LRFN5: variants seen among roughly 807,000 people sequenced by gnomAD.
LRFN5 encodes leucine rich repeat and fibronectin type III domain containing 5, also known as leucine-rich repeat and fibronectin type-III domain-containing protein 5.
A neutral mutation model predicts 45.6 loss-of-function variants in LRFN5; 24 were observed. The ratio of observed to expected loss-of-function variants is 0.53; its 90% CI spans 0.38 to 0.74. The LOEUF (loss-of-function observed/expected upper bound fraction) is 0.74. LRFN5 is among the 30% of genes least tolerant of loss of function. The pLI is 0.00. For synonymous variants in LRFN5, 340 were observed against 313.8 expected, an observed-to-expected ratio of 1.08 and a Z score of -0.88; for missense variants, 776 against 861.5, an observed-to-expected ratio of 0.90 and a Z score of 1.24.
chr14:41,830,422 G>A (rs1888439161), intron 2 of LRFN5, among the ~76,000 whole-genome samples: 1 of 151,958 alleles, frequency 6.6e-6, no homozygotes, highest in African/African-American at 2.4e-5. Flanking sequence ...TTTTATTAAT[G>A]TTTCCCATCA....
intron 1 of LRFN5, among the ~76,000 whole-genome samples, chr14:41,696,725 A>G (rs1476792020): frequency 6.6e-6 from 1 of 151,856 alleles, no homozygotes; most frequent in Non-Finnish European, 1.5e-5. Context: ...CTCCTTGCCA[A>G]CACTTGTTAT....
At chr14:41,763,388 G>T (rs2144550) in intron 1 of LRFN5, among the ~76,000 whole-genome samples, 6,928 of 152,222 alleles carry the variant, frequency 0.046, 416 homozygotes, top group East Asian at 0.19. Context: ...ATCATTTGGT[G>T]CTGGAGGAGG....
At chr14:41,750,267 TTATATATATA>T (rs60275061) in intron 1 of LRFN5, among the ~76,000 whole-genome samples, 22 of 144,388 alleles carry the variant, frequency 1.5e-4, no homozygotes, top group African/African-American at 4.8e-4. Flanking sequence ...GTAACTTTTC[TTATATATATA>T]TATATATATA....
chr14:41,870,931 T>C (rs1889998334), intron 2 of LRFN5, among the ~76,000 whole-genome samples: 1 of 152,126 alleles, frequency 6.6e-6, no homozygotes, highest in South Asian at 2.1e-4. Context: ...ATGACTGTCT[T>C]ATATTACAAC....
chr14:41,712,636 T>A (rs758799133), intron 1 of LRFN5, among the ~76,000 whole-genome samples: 14 of 152,118 alleles, frequency 9.2e-5, no homozygotes, highest in African/African-American at 3.4e-4. Flanking sequence ...TTCTACCAAA[T>A]CACAACAATT....
intron 1 of LRFN5, among the ~76,000 whole-genome samples, chr14:41,728,675 A>T (rs1459775426): frequency 6.6e-6 from 1 of 152,260 alleles, no homozygotes; most frequent in African/African-American, 2.4e-5. Context: ...CATCAAGGCT[A>T]CCACATAAGA....
At chr14:41,671,616 C>CTTTTTTTTT (rs1566613142) in intron 1 of LRFN5, among the ~76,000 whole-genome samples, 5 of 37,218 alleles carry the variant, frequency 1.3e-4, no homozygotes, top group African/African-American at 7.6e-4. Context: ...TTTTTTTTTT[C>CTTTTTTTTT]GTTTTTTTTT....
intron 2 of LRFN5, among the ~76,000 whole-genome samples, chr14:41,856,159 T>C (rs1889444107): frequency 6.6e-6 from 1 of 152,186 alleles, no homozygotes; most frequent in Non-Finnish European, 1.5e-5. Context: ...GCTTTTTCTT[T>C]CAGCAAATAT....
At chr14:41,797,770 A>G (rs1054287242) in intron 2 of LRFN5, among the ~76,000 whole-genome samples, 7 of 151,810 alleles carry the variant, frequency 4.6e-5, no homozygotes, top group African/African-American at 1.4e-4. Flanking sequence ...TCCCAGTGAT[A>G]TTCATTTGTT....
In LRFN5 at chr14:41,663,080, T is replaced by C. The variant is rs545476775; in HGVS notation, c.-197+54518T>C. Among the ~76,000 whole-genome samples the C allele has an allele frequency of 2.0e-5, 3 of 152,270 alleles. No individual in the cohort carries two copies. The East Asian group carries it at 5.8e-4, about 29-fold the overall frequency. On this transcript the variant is annotated intron_variant, in intron 1 of 5. Transcript: ENST00000298119. ...CTAAGAACTGTGGAAACTGTTTACA[T>C]GCAGTTTAATCTAATTTCATATGTA...
chr14:41,867,018 A>G (rs1468665875), intron 2 of LRFN5, among the ~76,000 whole-genome samples: 7 of 152,244 alleles, frequency 4.6e-5, no homozygotes, highest in Non-Finnish European at 4.4e-5. Flanking sequence ...CAGTCTACAA[A>G]TCACGAAGAA....
chr14:41,875,124 A>G (rs530304777), intron 2 of LRFN5, among the ~76,000 whole-genome samples: 1 of 152,370 alleles, frequency 6.6e-6, no homozygotes, highest in South Asian at 2.1e-4. Context: ...AATTGTACTT[A>G]TCTCCTGGAG....
chr14:41,892,644 A>C (rs1890824269), intron 4 of LRFN5: 5 of 983,208 alleles, frequency 5.1e-6, no homozygotes, highest in Non-Finnish European at 6.0e-6. Context: ...TTTAAAATAC[A>C]ATATTCAATT....
intron 1 of LRFN5, among the ~76,000 whole-genome samples, chr14:41,734,344 A>ATATATATATATATATATATATATATTTT (rs1428416141): frequency 9.4e-6 from 1 of 105,982 alleles, no homozygotes; most frequent in Non-Finnish European, 2.0e-5. Context: ...ATATATATAT[A>ATATATATATATATATATATATATATTTT]TTTAAATTTG....
chr14:41,784,463 T>C (rs1167743155), intron 2 of LRFN5, among the ~76,000 whole-genome samples: 2 of 152,112 alleles, frequency 1.3e-5, no homozygotes, highest in Non-Finnish European at 2.9e-5. Flanking sequence ...TATTCCTTCC[T>C]CTTTGTCTTT....
intron 2 of LRFN5, among the ~76,000 whole-genome samples, chr14:41,822,451 A>T (rs77893758): frequency 0.015 from 2,225 of 152,084 alleles, 52 homozygotes; most frequent in African/African-American, 0.05. Context: ...GTGTTTTTGT[A>T]GTTTTGATTG....
At chr14:41,637,922 G>T (rs959881631) in intron 1 of LRFN5, among the ~76,000 whole-genome samples, 1 of 151,982 alleles carries the variant, frequency 6.6e-6, no homozygotes, top group Non-Finnish European at 1.5e-5. Flanking sequence ...ATAGCTTTCT[G>T]GGTTTTGCTT....
intron 2 of LRFN5, among the ~76,000 whole-genome samples, chr14:41,852,477 T>C (rs1468435363): frequency 6.6e-6 from 1 of 151,952 alleles, no homozygotes. Flanking sequence ...CTTTCCTTGA[T>C]CTAAAGAACA....
chr14:41,785,622 A>G (rs1296313523), intron 2 of LRFN5, among the ~76,000 whole-genome samples: 1 of 152,100 alleles, frequency 6.6e-6, no homozygotes, highest in Admixed American at 6.6e-5. Flanking sequence ...AGCACTTTAC[A>G]TTTATTCTGC....
Sources: allele counts gnomAD v4.1 joint callset (sites outside exome capture counted in the v4.1 genomes callset), GRCh38; gene constraint gnomAD v4.1.1; transcripts MANE v1.5; gene names NCBI Gene and HGNC (gene_info 2026-07-23, HGNC 2026-07-21).